Variants in CREB3L4 observed in about 807,000 individuals in gnomAD.
CREB3L4 encodes the protein cAMP responsive element binding protein 3 like 4.
CREB3L4 carries 28 observed loss-of-function variants against 37.0 expected under a neutral mutation model. That is an observed-to-expected ratio of 0.76 (90% CI 0.56 to 1.04). The LOEUF (loss-of-function observed/expected upper bound fraction) is 1.04, where lower values mean the gene tolerates loss of function less well. Among genes scored for constraint, CREB3L4 ranks in the 50% least tolerant of loss-of-function variants. The probability of loss-of-function intolerance (pLI) is 0.00; values close to 1 mark genes in which losing one functional copy is unlikely to be tolerated. For missense variants in CREB3L4, 462 were observed against 486.0 expected, an observed-to-expected ratio of 0.95 and a Z score of 0.46; for synonymous variants, 175 against 192.2, an observed-to-expected ratio of 0.91 and a Z score of 0.74.
intron 1 of CREB3L4, 80 bp downstream of exon 1, chr1:153,968,244 A>C: frequency 1.1e-5 from 3 of 265,160 alleles, no homozygotes; most frequent in South Asian, 8.6e-5. Context: ...GGAAGAAAGA[A>C]AAGGTGTAGT....
At chr1:153,970,569 G>A (rs745693854) in intron 4 of CREB3L4, among the ~76,000 whole-genome samples, 2 of 152,030 alleles carry the variant, frequency 1.3e-5, no homozygotes, top group African/African-American at 4.8e-5. Flanking sequence ...TCTCAAGGCC[G>A]TCTGGGCAGC....
chr1:153,973,997 G>A lies in CREB3L4; in HGVS notation c.1120G>A (p.Glu374Lys), dbSNP rs146920889. The A allele has an allele frequency of 1.7e-4, 278 of 1,614,206 alleles. No individual in the cohort carries two copies. The Middle Eastern group carries it at 1.8e-3, about 11-fold the overall frequency. Residue 374 changes from glutamate to lysine, a missense_variant, in exon 10 of 10, where the codon GAG becomes AAG. Transcript: ENST00000368607. Reference protein sequence around the residue: ...DANGSTRTLLEKMGGKPRPSG... With the variant: ...DANGSTRTLLKKMGGKPRPSG... ...AAATGGCTCAACAAGGACACTGCTTGAGAAGATGGGAGGGAAGCCAAGACC... is the reference window on the plus strand; with the variant it reads ...AAATGGCTCAACAAGGACACTGCTTAAGAAGATGGGAGGGAAGCCAAGACC...
Position 153,969,183 on chromosome 1 carries a change from GTTCT to G in CREB3L4, c.421+10_421+13del, listed in dbSNP as rs1648093516. 1.9e-6 allele frequency: 3 copies of G among 1,614,054 alleles called. No homozygotes were observed. Among genetic ancestry groups the G allele is most frequent in the Non-Finnish European group, 2.5e-6 (3 of 1,180,026 alleles). Reference sequence around the variant, plus strand: ...CTTATCTCCATCCAGCTAGGTCAGTGTTCTTTGTGGGAAGGGGGAAATGGCCCTT... The same window carrying G: ...CTTATCTCCATCCAGCTAGGTCAGTGTTGTGGGAAGGGGGAAATGGCCCTT... On this transcript the variant is annotated splice_region_variant and intron_variant, in intron 3 of 9. Transcript: ENST00000368607.
rs532373534 is a variant in CREB3L4 at position 153,973,712 on chromosome 1, C to T, written c.990C>T (p.His330=). The T allele has an allele frequency of 1.2e-4, 194 of 1,598,682 alleles. No homozygotes were observed. Among genetic ancestry groups the T allele is most frequent in the South Asian group, 1.1e-3 (97 of 89,288 alleles). ...CTGGGTCTGAGGATTACCAGCCTCACGGAGGTGAGAGGCAAGGGCAGGGAG... is the reference window on the plus strand; with the variant it reads ...CTGGGTCTGAGGATTACCAGCCTCATGGAGGTGAGAGGCAAGGGCAGGGAG... ...PEAGSEDYQP[H]GVTSRNILTH... The change falls in exon 9 of 10, where the codon CAC becomes CAT. Residue 330 remains histidine, a synonymous_variant. Transcript: ENST00000368607.
At chr1:153,968,480 A>C (rs1173623488) in intron 1 of CREB3L4, 42 bp from the exon 2 acceptor site, 22 of 1,586,254 alleles carry the variant, frequency 1.4e-5, no homozygotes, top group Non-Finnish European at 1.9e-5. Flanking sequence ...AGCAGCCATC[A>C]TTCCGTTTCT....
rs746004905 is a variant in CREB3L4 at position 153,968,585 on chromosome 1, C to T, written c.60C>T (p.Phe20=). 3.7e-6 allele frequency: 6 copies of T among 1,614,140 alleles called. No homozygotes were observed. The highest frequency in any genetic ancestry group is 5.1e-6 in the Non-Finnish European group (6 of 1,180,018). The change falls in exon 2 of 10, where the codon TTC becomes TTT. Residue 20 remains phenylalanine (F), a synonymous_variant. Transcript: ENST00000368607. Reference sequence around the variant, plus strand: ...GGCTGGAGCCCCCAGAGGATATCTTCTCGACAGGATCCGTCCTGGAGCTGG... The same window carrying T: ...GGCTGGAGCCCCCAGAGGATATCTTTTCGACAGGATCCGTCCTGGAGCTGG... ...DAWLEPPEDI[F]STGSVLELGL...
chr1:153,971,683 C>T (rs1285979066), intron 4 of CREB3L4, among the ~76,000 whole-genome samples: 1 of 149,150 alleles, frequency 6.7e-6, no homozygotes, highest in Non-Finnish European at 1.5e-5. Context: ...AGACACTCCT[C>T]TAATAGTTCC....
Position 153,973,069 on chromosome 1 carries a change from T to C in CREB3L4, c.734T>C (p.Leu245Pro), listed in dbSNP as rs769523030. 1.7e-5 allele frequency: 28 copies of C among 1,613,974 alleles called. No individual in the cohort carries two copies. Among genetic ancestry groups the C allele is most frequent in the Non-Finnish European group, 5.9e-6 (7 of 1,179,984 alleles). Reference protein sequence around the residue: ...RRRKKEYIDGLESRVAACSAQ... With the variant: ...RRRKKEYIDGPESRVAACSAQ... ...CGGAAGAAGGAGTACATTGATGGGC[T>C]GGAGAGCAGGTACGCCTGGGTTATT... The change falls in exon 6 of 10, where the codon CTG becomes CCG. Residue 245 changes from leucine (L) to proline (P), a missense_variant. Coordinates refer to ENST00000368607, the MANE Select transcript of CREB3L4 (RefSeq NM_001255978.2).
intron 4 of CREB3L4, among the ~76,000 whole-genome samples, chr1:153,971,506 C>T (rs1305323669): frequency 6.6e-6 from 1 of 151,692 alleles, no homozygotes; most frequent in Admixed American, 6.6e-5. Context: ...TAGCCTCAAG[C>T]AATCCTCCTG....
Position 153,968,549 on chromosome 1 carries a change from G to A in CREB3L4, c.24G>A (p.Leu8=). The change falls in exon 2 of 10, where the codon CTG becomes CTA. Residue 8 remains leucine (L), a synonymous_variant. Transcript: ENST00000368607. ...GCATGGATCTCGGAATCCCTGACCT[G>A]CTGGACGCGTGGCTGGAGCCCCCAG... The part of the protein sequence containing the change: MDLGIPD[L]LDAWLEPPED... 1 of 1,613,906 alleles carries A rather than the reference G, an allele frequency of 6.2e-7. No homozygotes were observed.
Position 153,973,229 on chromosome 1 carries a change from C to G in CREB3L4, c.778C>G (p.Gln260Glu), listed in dbSNP as rs770607936. The G allele has an allele frequency of 6.2e-7, 1 of 1,613,900 alleles. No homozygotes were observed. Among genetic ancestry groups the G allele is most frequent in the Non-Finnish European group, 8.5e-7 (1 of 1,180,016 alleles). Reference sequence around the variant, plus strand: ...CTGTTCTGCACAGAACCAAGAATTACAGAAAAAAGTCCAGGAGCTGGAGAG... The same window carrying G: ...CTGTTCTGCACAGAACCAAGAATTAGAGAAAAAAGTCCAGGAGCTGGAGAG... ...AACSAQNQEL[Q>E]KKVQELERHN... is the part of the protein sequence containing the mutation. Residue 260 changes from glutamine to glutamate, a missense_variant, in exon 7 of 10, where the codon CAG becomes GAG. By Grantham distance (29) the Gln-to-Glu change is conservative (BLOSUM62 2). Transcript: ENST00000368607.
chr1:153,973,495 C>T lies in CREB3L4; in HGVS notation c.897+31C>T, dbSNP rs1448414986. ...ATTAGTCTATCTACTCCCATCTCCC[C>T]CCACACTTCTATCCTTATACCCCGA... On this transcript the variant is annotated intron_variant, in intron 8 of 9. Coordinates refer to ENST00000368607, the MANE Select transcript of CREB3L4 (RefSeq NM_001255978.2). 6 of 1,598,152 alleles carry T rather than the reference C, an allele frequency of 3.8e-6. No individual in the cohort carries two copies. In the East Asian group the frequency reaches 1.1e-4, roughly 30 times the overall value.
At chr1:153,972,501 G>T (rs1648472160) in intron 4 of CREB3L4, among the ~76,000 whole-genome samples, 1 of 152,208 alleles carries the variant, frequency 6.6e-6, no homozygotes, top group African/African-American at 2.4e-5. Context: ...AAGGTCCTCA[G>T]TGTCTGGGTG....
In CREB3L4 at chr1:153,968,144, C is replaced by A; in HGVS notation, c.-25C>A. The A allele has an allele frequency of 5.9e-6, 1 of 168,844 alleles. No individual in the cohort carries two copies. Among genetic ancestry groups the A allele is most frequent in the Admixed American group, 6.0e-5 (1 of 16,624 alleles). The allele number at this position is 168,844 out of a possible 1,614,324, so 10.5% of individuals were successfully genotyped here. On this transcript the variant is annotated 5_prime_UTR_variant, in exon 1 of 10. Coordinates refer to ENST00000368607, the MANE Select transcript of CREB3L4 (RefSeq NM_001255978.2). ...GTCCCCTACTCCCAGATACAGCGGC[C>A]CTACCGTGGCTCCTGGCAAGGTGGC... is the stretch of plus-strand genomic sequence containing the variant.
rs1648683616 is a variant in CREB3L4, at chr1:153,974,052, CAGATG to C, written c.1181_1185del (p.Glu394ValfsTer12). The C allele has an allele frequency of 6.2e-7, 1 of 1,613,480 alleles. No individual in the cohort carries two copies. The highest frequency in any genetic ancestry group is 8.5e-7 in the Non-Finnish European group (1 of 1,179,900). On this transcript the variant is annotated frameshift_variant, in exon 10 of 10. Transcript: ENST00000368607. LOFTEE classifies it high-confidence loss of function. ...GGGCGCATCCGGTCCGTGCTGCATG[CAGATG>C]AGATGTGAGCTGGAACAGACCTTCC...
chr1:153,973,764 G>C (rs530008795), intron 9 of CREB3L4, 48 bp downstream of exon 9: 4 of 1,555,576 alleles, frequency 2.6e-6, no homozygotes, highest in Non-Finnish European at 3.5e-6. Flanking sequence ...AAGGGAGGGG[G>C]ACTCTGTTCT....
In CREB3L4 at chr1:153,972,755, A is replaced by C. The variant is rs1361762097; in HGVS notation, c.555A>C (p.Gln185His). Residue 185 changes from glutamine to histidine, a missense_variant, in exon 5 of 10, where the codon CAA becomes CAC. Transcript: ENST00000368607. ...GCCCCTACCCCCAGCTGCCCTGTCA[A>C]ACCCTGTTCCTGACCGATGAGGAGA... ...PVPCTTLLPC[Q>H]TLFLTDEEKR... 12 of 1,613,636 alleles carry C rather than the reference A, an allele frequency of 7.4e-6. No homozygotes were observed. Among genetic ancestry groups the C allele is most frequent in the Non-Finnish European group, 9.3e-6 (11 of 1,179,872 alleles).
Position 153,969,114 on chromosome 1 carries a change from G to C in CREB3L4, c.359G>C (p.Gly120Ala). 1 of 1,614,194 alleles carries C rather than the reference G, an allele frequency of 6.2e-7. No homozygotes were observed. Among genetic ancestry groups the C allele is most frequent in the Non-Finnish European group, 8.5e-7 (1 of 1,180,034 alleles). The stretch of plus-strand genomic sequence containing the variant: ...CTCTATGAGGTTGTCTATGAGGCAG[G>C]GGCCCTGGAGAGGATGCAGGGGGAA... ...PMLYEVVYEA[G>A]ALERMQGETG... The change falls in exon 3 of 10, where the codon GGG becomes GCG. Residue 120 changes from glycine (G) to alanine (A), a missense_variant. Coordinates refer to ENST00000368607, the MANE Select transcript of CREB3L4 (RefSeq NM_001255978.2).
chr1:153,969,117 C>T lies in CREB3L4; in HGVS notation c.362C>T (p.Ala121Val). The change falls in exon 3 of 10, where the codon GCC becomes GTC. Residue 121 changes from alanine (A) to valine (V), a missense_variant. Ala to Val is a moderately conservative substitution (Grantham distance 64). Coordinates refer to ENST00000368607, the MANE Select transcript of CREB3L4 (RefSeq NM_001255978.2). ...MLYEVVYEAG[A>V]LERMQGETGP... ...TATGAGGTTGTCTATGAGGCAGGGG[C>T]CCTGGAGAGGATGCAGGGGGAAACT... 6.2e-7 allele frequency: 1 copy of T among 1,614,188 alleles called. No individual in the cohort carries two copies. The highest frequency in any genetic ancestry group is 8.5e-7 in the Non-Finnish European group (1 of 1,180,020).
Sources: gnomAD v4.1 joint callset for allele counts (sites outside exome capture counted in the v4.1 genomes callset) on GRCh38, gnomAD v4.1.1 for gene constraint, MANE v1.5 for transcripts, NCBI Gene and HGNC (gene_info 2026-07-23, HGNC 2026-07-21) for gene names.